Variants in SYNE2 observed in about 807,000 individuals in gnomAD.
SYNE2 encodes the protein spectrin repeat containing nuclear envelope protein 2, also known as nesprin-2.
SYNE2 carries 431 observed loss-of-function variants against 856.3 expected under a neutral mutation model. That is an observed-to-expected ratio of 0.50 (90% CI 0.47 to 0.55). The LOEUF (loss-of-function observed/expected upper bound fraction) is 0.55, where lower values mean the gene tolerates loss of function less well. Among genes scored for constraint, SYNE2 ranks in the 20% least tolerant of loss-of-function variants. SYNE2 has a pLI of 0.00. For synonymous variants in SYNE2, 2,923 were observed against 2,872.3 expected (o/e 1.02, Z -0.56); for missense variants, 8,129 against 8,023.2 (o/e 1.01, Z -0.50).
At chr14:63,968,744 C>T (rs986266811) in intron 11 of SYNE2, among the ~76,000 whole-genome samples, 1 of 151,942 alleles carries the variant, frequency 6.6e-6, no homozygotes, top group Non-Finnish European at 1.5e-5. Flanking sequence ...TTATGGGGTA[C>T]CTGAGATATT....
Position 64,051,758 on chromosome 14 carries a change from A to G in SYNE2, c.7845A>G (p.Gln2615=). ...HGWEQVEQQI[Q]KKYSQQVVEY... is the part of the protein sequence containing the mutation. ...GGGAACAAGTGGAACAGCAGATTCA[A>G]AAGAAGTATTCTCAGCAGGTAGTGG... The change falls in exon 48 of 116, where the codon CAA becomes CAG. Residue 2615 remains glutamine (Q), a synonymous_variant. Coordinates refer to ENST00000555002, the MANE Select transcript of SYNE2 (RefSeq NM_182914.3). 1 of 1,614,250 alleles carries G rather than the reference A, an allele frequency of 6.2e-7. No individual in the cohort carries two copies. The highest frequency in any genetic ancestry group is 8.5e-7 in the Non-Finnish European group (1 of 1,180,042).
intron 35 of SYNE2, among the ~76,000 whole-genome samples, chr14:64,020,308 C>CT (rs1373633095): frequency 1.1e-4 from 17 of 152,276 alleles, no homozygotes; most frequent in Admixed American, 1.1e-3. Context: ...ATGAAATACA[C>CT]TAACAATAGC....
At chr14:63,855,609 A>AC (rs1891519337) in intron 1 of SYNE2, among the ~76,000 whole-genome samples, 1 of 151,984 alleles carries the variant, frequency 6.6e-6, no homozygotes, top group Admixed American at 6.6e-5. Context: ...ACTTGATGTT[A>AC]TTTTGTCAGT....
At chr14:64,019,930 TGG>T in intron 34 of SYNE2, 60 bp from the exon 35 acceptor site, 2 of 1,069,638 alleles carry the variant, frequency 1.9e-6, no homozygotes, top group South Asian at 1.3e-5. Flanking sequence ...GTAGTAATTA[TGG>T]GTATCAGAAA....
intron 30 of SYNE2, among the ~76,000 whole-genome samples, chr14:64,005,984 T>C (rs899585059): frequency 6.6e-6 from 1 of 152,166 alleles, no homozygotes; most frequent in Non-Finnish European, 1.5e-5. Context: ...TGGGGTTACC[T>C]GAAGAAGGCA....
chr14:64,167,750 A>G, intron 92 of SYNE2, 111 bp downstream of exon 92: 2 of 1,446,482 alleles, frequency 1.4e-6, no homozygotes, highest in Admixed American at 3.7e-5. Context: ...TAAACACAGA[A>G]TGTATACCTT....
intron 69 of SYNE2, 75 bp downstream of exon 69, chr14:64,122,208 A>G: frequency 1.2e-6 from 2 of 1,614,024 alleles, no homozygotes; most frequent in Non-Finnish European, 1.7e-6. Flanking sequence ...TCTTTTAAAA[A>G]TTGCTCATAG....
At chr14:63,907,055 G>T (rs2095417309) in intron 1 of SYNE2, among the ~76,000 whole-genome samples, 1 of 152,174 alleles carries the variant, frequency 6.6e-6, no homozygotes, top group South Asian at 2.1e-4. Context: ...TCAACATATG[G>T]ACTTTGGGGG....
intron 109 of SYNE2, 104 bp from the exon 110 acceptor site, chr14:64,219,104 G>GTTTTTTTGTTTTTT: frequency 2.5e-6 from 1 of 407,786 alleles, no homozygotes; most frequent in East Asian, 5.8e-5. Flanking sequence ...CAGTTTTTTT[G>GTTTTTTTGTTTTTT]TTTTTTTTTT....
chr14:64,121,921 T>C, intron 68 of SYNE2, 91 bp from the exon 69 acceptor site: 1 of 1,546,512 alleles, frequency 6.5e-7, no homozygotes, highest in East Asian at 2.3e-5. Flanking sequence ...AGGAACTGGC[T>C]CAAAATTAGA....
At chr14:64,093,898 C>T (rs546649964) in intron 61 of SYNE2, among the ~76,000 whole-genome samples, 3 of 152,182 alleles carry the variant, frequency 2.0e-5, no homozygotes, top group Admixed American at 6.5e-5. Flanking sequence ...GATATTTGGA[C>T]AACCTGACTT....
intron 65 of SYNE2, among the ~76,000 whole-genome samples, chr14:64,112,878 A>G (rs958669259): frequency 2.6e-5 from 4 of 152,232 alleles, no homozygotes; most frequent in African/African-American, 9.6e-5. Context: ...ATTATGTGGT[A>G]TATTTTATTG....
chr14:63,827,645 A>C (rs938944754), intron 1 of SYNE2, among the ~76,000 whole-genome samples: 5 of 149,284 alleles, frequency 3.3e-5, no homozygotes, highest in Non-Finnish European at 5.9e-5. Flanking sequence ...AAAAAAAAAA[A>C]AAAAAAAAAA....
At chr14:63,811,274 G>T (rs776023582) in intron 1 of SYNE2, among the ~76,000 whole-genome samples, 4 of 151,018 alleles carry the variant, frequency 2.6e-5, no homozygotes, top group African/African-American at 7.3e-5. Context: ...TATTTTTTTT[G>T]ATTCAGGGTC....
chr14:63,762,514 C>A (rs1886524393), intron 1 of SYNE2, among the ~76,000 whole-genome samples: 1 of 142,674 alleles, frequency 7.0e-6, no homozygotes, highest in East Asian at 2.0e-4. Context: ...TTGGACAATT[C>A]AGGAAACTAG....
chr14:63,762,795 A>G (rs1886538661), intron 1 of SYNE2, among the ~76,000 whole-genome samples: 1 of 152,028 alleles, frequency 6.6e-6, no homozygotes, highest in East Asian at 1.9e-4. Context: ...AAATGTCATG[A>G]TGCCTGCAAC....
intron 1 of SYNE2, among the ~76,000 whole-genome samples, chr14:63,859,756 C>T (rs1892986262): frequency 6.6e-6 from 1 of 152,128 alleles, no homozygotes; most frequent in Non-Finnish European, 1.5e-5. Context: ...GTGGAGGTTA[C>T]AGTGAGCTGA....
chr14:63,942,277 G>C, intron 6 of SYNE2, 134 bp downstream of exon 6: 1 of 675,872 alleles, frequency 1.5e-6, no homozygotes, highest in Non-Finnish European at 2.6e-6. Flanking sequence ...ATCTTGAAGA[G>C]GTAGAAAATA....
intron 2 of SYNE2, among the ~76,000 whole-genome samples, chr14:63,929,228 G>A (rs774006951): frequency 6.6e-6 from 1 of 152,122 alleles, no homozygotes; most frequent in African/African-American, 2.4e-5. Flanking sequence ...CTAGAGGGGT[G>A]AGAAGAGCTG....
Sources: gnomAD v4.1 joint callset for allele counts (sites outside exome capture counted in the v4.1 genomes callset) on GRCh38, gnomAD v4.1.1 for gene constraint, MANE v1.5 for transcripts, NCBI Gene and HGNC (gene_info 2026-07-23, HGNC 2026-07-21) for gene names.